Variants in RPS6KA2 observed in about 807,000 individuals in gnomAD.
RPS6KA2 encodes ribosomal protein S6 kinase alpha-2.
In RPS6KA2, 42 loss-of-function variants were observed where a neutral mutation model predicts 91.8. That is an observed-to-expected ratio of 0.46 (90% CI 0.36 to 0.59). The LOEUF (loss-of-function observed/expected upper bound fraction) is 0.59, where lower values mean the gene tolerates loss of function less well. Among genes scored for constraint, RPS6KA2 ranks in the 20% least tolerant of loss-of-function variants. RPS6KA2 has a pLI of 0.00. For missense variants in RPS6KA2, 798 were observed against 978.5 expected (o/e 0.82, Z 2.46); for synonymous variants, 414 against 393.6 (o/e 1.05, Z -0.61).
chr6:166,659,582 G>A (rs1044354043), intron 2 of RPS6KA2, among the ~76,000 whole-genome samples: 4 of 152,248 alleles, frequency 2.6e-5, no homozygotes, highest in African/African-American at 9.6e-5. Flanking sequence ...TCTGTGCAAG[G>A]CATAGTAGGT....
chr6:166,737,532 G>A lies in RPS6KA2; in HGVS notation c.123+120668C>T, dbSNP rs1790702304. The stretch of plus-strand genomic sequence containing the variant: ...CATCACACTCCAGAGGCATTAAAGA[G>A]AATTCTAAACGTCTCCTTTGCAAAT... On this transcript the variant is annotated intron_variant, in intron 2 of 21. Coordinates refer to the RPS6KA2 transcript ENST00000503859. The surrounding 1 kb of genome is among the most constrained non-coding windows in gnomAD (Gnocchi z 4.3). 1.3e-5 allele frequency among the ~76,000 whole-genome samples: 2 copies of A among 152,164 alleles called. No individual in the cohort carries two copies. Among genetic ancestry groups the A allele is most frequent in the African/African-American group, 4.8e-5 (2 of 41,402 alleles).
At chr6:166,555,265 G>A (rs537919130) in intron 1 of RPS6KA2, among the ~76,000 whole-genome samples, 3 of 152,276 alleles carry the variant, frequency 2.0e-5, no homozygotes. Flanking sequence ...CCGCACTCTG[G>A]CCCACTTCCT....
chr6:166,628,823 T>C (rs992197765), upstream of RPS6KA2, among the ~76,000 whole-genome samples: 3 of 152,212 alleles, frequency 2.0e-5, no homozygotes, highest in African/African-American at 7.2e-5. Context: ...TGGGAGTGCT[T>C]TGTGAATTTA....
At chr6:166,742,801 G>C (rs909572697) in intron 2 of RPS6KA2, among the ~76,000 whole-genome samples, 3 of 152,156 alleles carry the variant, frequency 2.0e-5, no homozygotes, top group African/African-American at 4.8e-5. Flanking sequence ...TTGTTAACAG[G>C]TGAATGGAGC....
chr6:166,744,398 G>A (rs1005169858), intron 2 of RPS6KA2, among the ~76,000 whole-genome samples: 2 of 152,150 alleles, frequency 1.3e-5, no homozygotes, highest in African/African-American at 4.8e-5. Context: ...CCGGGGAGTC[G>A]GAGGGGAATG....
intron 2 of RPS6KA2, among the ~76,000 whole-genome samples, chr6:166,748,262 G>C (rs917016003): frequency 6.6e-6 from 1 of 152,122 alleles, no homozygotes; most frequent in African/African-American, 2.4e-5. Flanking sequence ...GAGGGAGTGC[G>C]GGCCAGGCTT....
chr6:166,731,647 C>T (rs1790522996), intron 2 of RPS6KA2, among the ~76,000 whole-genome samples: 1 of 152,002 alleles, frequency 6.6e-6, no homozygotes, highest in Non-Finnish European at 1.5e-5. Flanking sequence ...TTGAGTCGCT[C>T]CATTCCTCAG....
At chr6:166,694,004 T>C (rs914846681) in intron 2 of RPS6KA2, among the ~76,000 whole-genome samples, 6 of 152,244 alleles carry the variant, frequency 3.9e-5, no homozygotes, top group Non-Finnish European at 7.3e-5. Flanking sequence ...ACAAAATTGA[T>C]AGAATGTCTC....
In RPS6KA2 at chr6:166,733,673, CCATGGAATGT is replaced by C. The variant is rs1790596282; in HGVS notation, c.123+124517_123+124526del. On this transcript the variant is annotated intron_variant, in intron 2 of 21. Coordinates refer to the RPS6KA2 transcript ENST00000503859. This position sits in a 1 kb window ranked among gnomAD's most constrained non-coding sequence, Gnocchi z 4.1. Reference sequence around the variant, plus strand: ...CACTAGCATCCCTCGTGGACAGTTTCCATGGAATGTCCCAGGCACAGGTCACATTTCAGCG... The same window carrying C: ...CACTAGCATCCCTCGTGGACAGTTTCCCCAGGCACAGGTCACATTTCAGCG... Among the ~76,000 whole-genome samples the C allele has an allele frequency of 6.6e-6, 1 of 152,176 alleles. No individual in the cohort carries two copies. Among genetic ancestry groups the C allele is most frequent in the Admixed American group, 6.5e-5 (1 of 15,280 alleles).
At chr6:166,842,780 G>C (rs967017367) in intron 2 of RPS6KA2, among the ~76,000 whole-genome samples, 32 of 152,320 alleles carry the variant, frequency 2.1e-4, no homozygotes, top group Non-Finnish European at 4.3e-4. Context: ...TGGATAGGAG[G>C]CAGGACTGGC....
intron 2 of RPS6KA2, among the ~76,000 whole-genome samples, chr6:166,829,665 C>CGTTT (rs1045928372): frequency 6.7e-6 from 1 of 150,354 alleles, no homozygotes; most frequent in African/African-American, 2.5e-5. Flanking sequence ...AAAGCAGAGA[C>CGTTT]TTAAACAGGT....
intron 8 of RPS6KA2, among the ~76,000 whole-genome samples, chr6:166,492,077 G>A (rs897029031): frequency 6.6e-6 from 1 of 152,134 alleles, no homozygotes; most frequent in Non-Finnish European, 1.5e-5. Context: ...AGGCTGCTAG[G>A]AGTGAAATTA....
intron 2 of RPS6KA2, among the ~76,000 whole-genome samples, chr6:166,751,545 T>C (rs1055743937): frequency 6.6e-6 from 1 of 152,222 alleles, no homozygotes; most frequent in Non-Finnish European, 1.5e-5. Context: ...GACAGGGGCT[T>C]GAGGCTTGGC....
intron 2 of RPS6KA2, among the ~76,000 whole-genome samples, chr6:166,754,404 G>T (rs1318918992): frequency 6.6e-6 from 1 of 152,166 alleles, no homozygotes; most frequent in African/African-American, 2.4e-5. Flanking sequence ...GTGGGCAGGG[G>T]CCTTTCACGT....
chr6:166,482,504 G>A (rs966845107), intron 10 of RPS6KA2, among the ~76,000 whole-genome samples: 3 of 152,180 alleles, frequency 2.0e-5, no homozygotes, highest in African/African-American at 7.2e-5. Flanking sequence ...GTGCTCCGAG[G>A]AAAGAAATAG....
chr6:166,483,044 G>C (rs1312803772), intron 10 of RPS6KA2, among the ~76,000 whole-genome samples: 1 of 152,202 alleles, frequency 6.6e-6, no homozygotes, highest in Non-Finnish European at 1.5e-5. Context: ...TGGAAAACCA[G>C]ATGCAACAAG....
At chr6:166,642,611 T>TA (rs1184774289) in intron 2 of RPS6KA2, among the ~76,000 whole-genome samples, 2 of 152,226 alleles carry the variant, frequency 1.3e-5, no homozygotes, top group African/African-American at 4.8e-5. Flanking sequence ...GCATACATGC[T>TA]AAAGTTTCCA....
At chr6:166,656,249 GTTAGCGGTCTC>G (rs144124086) in intron 2 of RPS6KA2, among the ~76,000 whole-genome samples, 17,029 of 152,236 alleles carry the variant, frequency 0.11, 1,110 homozygotes, top group Middle Eastern at 0.16. Flanking sequence ...GGGGTCTGGC[GTTAGCGGTCTC>G]TGAGAGGAGA....
chr6:166,468,856 T>TA lies in RPS6KA2; in HGVS notation c.972+984dup, dbSNP rs1554277712. Among the ~76,000 whole-genome samples the TA allele has an allele frequency of 8.4e-4, 94 of 112,172 alleles. 3 individuals are homozygous for TA. Among genetic ancestry groups the TA allele is most frequent in the East Asian group, 7.2e-3 (30 of 4,194 alleles). The allele number at this position is 112,172 out of a possible 152,430, so 73.6% of individuals were successfully genotyped here. A position where few individuals can be genotyped will look rare whatever the true frequency, so the allele number is the denominator to read the frequency against. ...TCCAGCCTGGGCGACAGAGCGAGAC[T>TA]AAAAAAAAAAAAAAAAAGAAGACAG... On this transcript the variant is annotated intron_variant, in intron 11 of 20. Transcript: ENST00000265678.
Sources: allele counts gnomAD v4.1 joint callset (sites outside exome capture counted in the v4.1 genomes callset), GRCh38; gene constraint gnomAD v4.1.1; non-coding constraint Gnocchi (gnomAD v3.1); transcripts MANE v1.5; gene names NCBI Gene and HGNC (gene_info 2026-07-23, HGNC 2026-07-21).